The following PPP2R2C variants were observed in gnomAD, a reference collection of about 807,000 sequenced individuals.
The protein encoded by PPP2R2C is protein phosphatase 2 regulatory subunit Bgamma, also known as protein phosphatase 2, regulatory subunit B, gamma.
A neutral mutation model predicts 45.3 loss-of-function variants in PPP2R2C; 10 were observed. The ratio of observed to expected loss-of-function variants is 0.22; its 90% confidence interval spans 0.14 to 0.37. The LOEUF (loss-of-function observed/expected upper bound fraction) is 0.37, where lower values mean the gene tolerates loss of function less well. PPP2R2C is among the 10% of genes least tolerant of loss of function. PPP2R2C has a pLI of 1.00. For missense variants in PPP2R2C, 308 were observed against 619.7 expected (o/e 0.50, Z 5.34); for synonymous variants, 257 against 245.4 (o/e 1.05, Z -0.44).
At chr4:6,430,723 C>T (rs1193374711) in intron 1 of PPP2R2C, among the ~76,000 whole-genome samples, 2 of 151,976 alleles carry the variant, frequency 1.3e-5, no homozygotes, top group African/African-American at 4.8e-5. Context: ...TCAGGAGTTC[C>T]AGACCAGCCT....
intron 5 of PPP2R2C, among the ~76,000 whole-genome samples, chr4:6,372,213 C>A (rs1714887027): frequency 6.6e-6 from 1 of 152,246 alleles, no homozygotes; most frequent in Non-Finnish European, 1.5e-5. Context: ...TCGTCCAGAG[C>A]AGCTGAACCC....
chr4:6,366,858 G>A (rs886678919), intron 5 of PPP2R2C, among the ~76,000 whole-genome samples: 1 of 152,188 alleles, frequency 6.6e-6, no homozygotes, highest in Non-Finnish European at 1.5e-5. Flanking sequence ...GCACTGTGGA[G>A]GGGCTCAGGC....
At position 6,364,049 on chromosome 4, in the gene PPP2R2C, A is replaced by C. The variant is rs1560482713; in HGVS notation, c.625+8474T>G. Among the ~76,000 whole-genome samples, 1 of 152,196 alleles carries C rather than the reference A, an allele frequency of 6.6e-6. No individual in the cohort carries two copies. Among genetic ancestry groups the C allele is most frequent in the Non-Finnish European group, 1.5e-5 (1 of 68,028 alleles). ...GGCATTATTCCAGGTAGATCAAACA[A>C]GGTCCCTGCTCTCAAGAAGCTGCCA... On this transcript the variant is annotated intron_variant, in intron 5 of 8. Coordinates refer to ENST00000382599, the MANE Select transcript of PPP2R2C (RefSeq NM_020416.4). The surrounding 1 kb of genome is among the most constrained non-coding windows in gnomAD (Gnocchi z 5.3).
intron 1 of PPP2R2C, among the ~76,000 whole-genome samples, chr4:6,464,523 C>T (rs1482923993): frequency 6.6e-6 from 1 of 152,206 alleles, no homozygotes; most frequent in African/African-American, 2.4e-5. Context: ...TGGCACATAA[C>T]AGGGATCAGC....
chr4:6,483,423 C>A (rs554095511), intron 2 of PPP2R2C, among the ~76,000 whole-genome samples: 2 of 152,108 alleles, frequency 1.3e-5, no homozygotes, highest in East Asian at 1.9e-4. Flanking sequence ...TTCTCCATAT[C>A]CTCACCAAAA....
chr4:6,418,998 G>A (rs756157913), intron 1 of PPP2R2C, among the ~76,000 whole-genome samples: 5 of 152,190 alleles, frequency 3.3e-5, no homozygotes, highest in East Asian at 1.9e-4. Context: ...CGTTGACAGC[G>A]GAGGAAACCG....
chr4:6,381,150 G>A (rs759376416), intron 1 of PPP2R2C, 56 bp from the exon 2 acceptor site: 488 of 1,553,132 alleles, frequency 3.1e-4, no homozygotes, highest in Non-Finnish European at 3.8e-4. Context: ...GCCTCTCCCG[G>A]GTGCTCAACA....
chr4:6,434,527 T>C (rs571051903), intron 1 of PPP2R2C, among the ~76,000 whole-genome samples: 2 of 151,972 alleles, frequency 1.3e-5, no homozygotes, highest in African/African-American at 4.8e-5. Flanking sequence ...CCTGGCTAAT[T>C]TTTGTAGTTT....
chr4:6,390,710 G>A (rs1278788124), intron 1 of PPP2R2C, among the ~76,000 whole-genome samples: 1 of 152,184 alleles, frequency 6.6e-6, no homozygotes, highest in African/African-American at 2.4e-5. Flanking sequence ...TCCCTGATGG[G>A]ATTTTATGTG....
chr4:6,446,278 C>G (rs111322404), intron 1 of PPP2R2C, among the ~76,000 whole-genome samples: 2 of 152,156 alleles, frequency 1.3e-5, no homozygotes, highest in East Asian at 1.9e-4. Context: ...TTCCCTCCCC[C>G]ACACCGACAC....
At chr4:6,430,061 C>T (rs150930501) in intron 1 of PPP2R2C, among the ~76,000 whole-genome samples, 7 of 152,246 alleles carry the variant, frequency 4.6e-5, no homozygotes, top group African/African-American at 1.4e-4. Context: ...CTCACTAGTC[C>T]CCACCTCATA....
rs1422568719 is a variant in PPP2R2C, at chr4:6,471,171, C to T, written c.70+989G>A. ...GGCCCCTCCCACTGGGGCACCCACC[C>T]GGGGAATCCGCGCACACTTCTGCGG... On this transcript the variant is annotated intron_variant, in intron 1 of 8. Transcript: ENST00000382599. The surrounding 1 kb of genome is among the most constrained non-coding windows in gnomAD (Gnocchi z 5.6). Among the ~76,000 whole-genome samples the T allele has an allele frequency of 6.6e-6, 1 of 152,174 alleles. No homozygotes were observed. The highest frequency in any genetic ancestry group is 2.1e-4 in the South Asian group (1 of 4,834).
chr4:6,447,788 G>A (rs1020199815), intron 1 of PPP2R2C, among the ~76,000 whole-genome samples: 6 of 152,046 alleles, frequency 3.9e-5, no homozygotes, highest in African/African-American at 1.2e-4. Flanking sequence ...TGAACTTCTC[G>A]GGGTCTCCGT....
rs1714105463 is a variant in PPP2R2C at position 6,364,540 on chromosome 4, C to T, written c.625+7983G>A. Reference sequence around the variant, plus strand: ...CTGTAAGGAGACACCTGGGGAAACACAGCTAATGAAGCAATGATGCTGCAG... The same window carrying T: ...CTGTAAGGAGACACCTGGGGAAACATAGCTAATGAAGCAATGATGCTGCAG... On this transcript the variant is annotated intron_variant, in intron 5 of 8. Coordinates refer to ENST00000382599, the MANE Select transcript of PPP2R2C (RefSeq NM_020416.4). This position sits in a 1 kb window ranked among gnomAD's most constrained non-coding sequence, Gnocchi z 5.3. Among the ~76,000 whole-genome samples, 1 of 151,940 alleles carries T rather than the reference C, an allele frequency of 6.6e-6. No individual in the cohort carries two copies. Among genetic ancestry groups the T allele is most frequent in the South Asian group, 2.1e-4 (1 of 4,802 alleles).
intron 1 of PPP2R2C, among the ~76,000 whole-genome samples, chr4:6,562,393 C>T (rs889093365): frequency 6.8e-6 from 1 of 148,040 alleles, no homozygotes; most frequent in Admixed American, 7.0e-5. Flanking sequence ...TGGCCTCGGG[C>T]AAGTTACTTA....
chr4:6,491,643 A>G (rs766433864), intron 2 of PPP2R2C, among the ~76,000 whole-genome samples: 2 of 152,152 alleles, frequency 1.3e-5, no homozygotes, highest in Non-Finnish European at 2.9e-5. Flanking sequence ...ATGTTGGAGG[A>G]GGGGCCTGGT....
Position 6,329,327 on chromosome 4 carries a change from G to C in PPP2R2C, c.987C>G (p.Leu329=), listed in dbSNP as rs76426507. The change falls in exon 8 of 9, where the codon CTC becomes CTG. Residue 329 remains leucine, a synonymous_variant. Transcript: ENST00000382599. This position sits in a 1 kb window ranked among gnomAD's most constrained non-coding sequence, Gnocchi z 5.8. ...TGCAGTCGTTCTCGTACAGGGAACA[G>C]AGCTTGCTCCGAAGGTAGTCATGGA... The part of the protein sequence containing the change: ...YQVHDYLRSK[L]CSLYENDCIF... The C allele has an allele frequency of 5.6e-5, 90 of 1,614,216 alleles. No individual in the cohort carries two copies. The East Asian group carries it at 1.9e-3, about 35-fold the overall frequency.
At chr4:6,354,634 T>C (rs1712972554) in intron 5 of PPP2R2C, among the ~76,000 whole-genome samples, 1 of 151,698 alleles carries the variant, frequency 6.6e-6, no homozygotes, top group Non-Finnish European at 1.5e-5. Context: ...GAAACTCTGT[T>C]CACGGTCATT....
intron 1 of PPP2R2C, among the ~76,000 whole-genome samples, chr4:6,441,654 T>A (rs1044277792): frequency 6.6e-6 from 1 of 152,144 alleles, no homozygotes; most frequent in African/African-American, 2.4e-5. Context: ...CATGCCCAGA[T>A]CCGAGGCCTC....
Sources: gnomAD v4.1 joint callset for allele counts (sites outside exome capture counted in the v4.1 genomes callset) on GRCh38, gnomAD v4.1.1 for gene constraint, Gnocchi (gnomAD v3.1) non-coding constraint, MANE v1.5 for transcripts, NCBI Gene and HGNC (gene_info 2026-07-23, HGNC 2026-07-21) for gene names.